Variants in DSC1 observed in about 807,000 individuals in gnomAD.
DSC1 encodes the protein desmocollin 1.
In DSC1, 79 loss-of-function variants were observed where a neutral mutation model predicts 98.8. That is an observed-to-expected ratio of 0.80 (90% CI 0.67 to 0.96). The LOEUF is 0.96. DSC1 is among the 50% of genes least tolerant of loss of function. The probability of loss-of-function intolerance (pLI) is 0.00; values close to 1 mark genes in which losing one functional copy is unlikely to be tolerated. For synonymous variants in DSC1, 405 were observed against 372.1 expected, an observed-to-expected ratio of 1.09 and a Z score of -1.02; for missense variants, 1,115 against 1,075.9, an observed-to-expected ratio of 1.04 and a Z score of -0.51.
chr18:31,140,586 A>G (rs942741034), intron 9 of DSC1, among the ~76,000 whole-genome samples: 4 of 152,208 alleles, frequency 2.6e-5, no homozygotes, highest in Non-Finnish European at 5.9e-5. Flanking sequence ...GAAATGCAAG[A>G]TAAGTGTATG....
In DSC1 at chr18:31,156,073, C is replaced by G. The variant is rs374138359; in HGVS notation, c.441G>C (p.Ser147=). The G allele has an allele frequency of 1.2e-6, 2 of 1,613,966 alleles. No individual in the cohort carries two copies. Among genetic ancestry groups the G allele is most frequent in the African/African-American group, 1.3e-5 (1 of 74,908 alleles). ...GAACGTGTTGTGGAAATGGACCCAACGAGTTCTCCATCAATGAAGCTGGAA... is the reference window on the plus strand; with the variant it reads ...GAACGTGTTGTGGAAATGGACCCAAGGAGTTCTCCATCAATGAAGCTGGAA... The part of the protein sequence containing the change: ...APIPASLMEN[S]LGPFPQHVQQ... The change falls in exon 4 of 16, where the codon TCG becomes TCC. Residue 147 remains serine (S), a synonymous_variant. Transcript: ENST00000257198.
At chr18:31,160,759 T>C (rs1355861196) in intron 1 of DSC1, among the ~76,000 whole-genome samples, 1 of 152,170 alleles carries the variant, frequency 6.6e-6, no homozygotes, top group Non-Finnish European at 1.5e-5. Flanking sequence ...TTAATAGTTG[T>C]CTAAGTATAC....
chr18:31,140,341 T>TTA, intron 9 of DSC1, 40 bp from the exon 10 acceptor site: 1 of 1,568,704 alleles, frequency 6.4e-7, no homozygotes, highest in South Asian at 1.2e-5. Flanking sequence ...ATATATAACA[T>TTA]TATATATAAG....
rs943176006 is a variant in DSC1 at position 31,129,527 on chromosome 18, A to C, written c.*987T>G. Reference sequence around the variant, plus strand: ...TAAGTTCTAATACAGATGGTAATTCAATTTCTGGCATATTCAAGGTGCTAG... The same window carrying C: ...TAAGTTCTAATACAGATGGTAATTCCATTTCTGGCATATTCAAGGTGCTAG... On this transcript the variant is annotated 3_prime_UTR_variant, in exon 16 of 16. Coordinates refer to ENST00000257198, the MANE Select transcript of DSC1 (RefSeq NM_024421.2). 2.6e-5 allele frequency: 4 copies of C among 152,090 alleles called. No homozygotes were observed. Among genetic ancestry groups the C allele is most frequent in the African/African-American group, 9.7e-5 (4 of 41,386 alleles). 9.4% of individuals were successfully genotyped at this position (152,090 alleles called of 1,614,324 possible).
rs1443685689 is a variant in DSC1 at position 31,139,740 on chromosome 18, G to A, written c.1663+8C>T. The A allele has an allele frequency of 1.3e-6, 2 of 1,571,580 alleles. No individual in the cohort carries two copies. The highest frequency in any genetic ancestry group is 1.7e-4 in the Middle Eastern group (1 of 5,808). On this transcript the variant is annotated splice_region_variant and intron_variant, in intron 11 of 15. Transcript: ENST00000257198. ...ATTTATATTTTATCTGTAGAAAATG[G>A]CACTCACCTGCATCCACTGCAACAA...
At chr18:31,147,130 G>A (rs1170578220) in intron 6 of DSC1, among the ~76,000 whole-genome samples, 2 of 151,020 alleles carry the variant, frequency 1.3e-5, no homozygotes, top group African/African-American at 2.4e-5. Context: ...AGACTTGGCT[G>A]CACATAGCAT....
At chr18:31,135,290 A>G (rs1988587352) in intron 11 of DSC1, among the ~76,000 whole-genome samples, 2 of 152,142 alleles carry the variant, frequency 1.3e-5, no homozygotes. Context: ...TTTGCCAGAT[A>G]GCACACTATT....
intron 15 of DSC1, among the ~76,000 whole-genome samples, chr18:31,131,288 T>C (rs1355889660): frequency 6.6e-6 from 1 of 152,232 alleles, no homozygotes; most frequent in Non-Finnish European, 1.5e-5. Flanking sequence ...TCCTGTATAA[T>C]AAATATTTCA....
chr18:31,158,614 A>T (rs1399095180), intron 2 of DSC1, among the ~76,000 whole-genome samples: 2 of 152,200 alleles, frequency 1.3e-5, no homozygotes, highest in African/African-American at 4.8e-5. Flanking sequence ...AGAACAACCA[A>T]CTTATACTTC....
chr18:31,149,798 C>A (rs1040110786), intron 5 of DSC1, among the ~76,000 whole-genome samples: 1 of 152,118 alleles, frequency 6.6e-6, no homozygotes, highest in Non-Finnish European at 1.5e-5. Context: ...AATGTACACT[C>A]CAAACTCTGG....
intron 11 of DSC1, among the ~76,000 whole-genome samples, chr18:31,136,440 C>A (rs73954545): frequency 3.6e-4 from 55 of 152,258 alleles, no homozygotes; most frequent in African/African-American, 1.3e-3. Context: ...TATTTAATCA[C>A]ATATTCAACC....
At chr18:31,160,346 T>G (rs1989186369) in intron 1 of DSC1, among the ~76,000 whole-genome samples, 1 of 152,208 alleles carries the variant, frequency 6.6e-6, no homozygotes, top group Non-Finnish European at 1.5e-5. Context: ...ATTATTTAAA[T>G]ATAAGATAGA....
chr18:31,139,933 G>C (rs952282919), intron 10 of DSC1, 43 bp from the exon 11 acceptor site: 2 of 1,564,826 alleles, frequency 1.3e-6, no homozygotes, highest in African/African-American at 1.4e-5. Context: ...ATCAAAGAAG[G>C]GACATGATCT....
At chr18:31,139,011 T>G in intron 11 of DSC1, among the ~76,000 whole-genome samples, 1 of 152,006 alleles carries the variant, frequency 6.6e-6, no homozygotes, top group East Asian at 1.9e-4. Flanking sequence ...GTTTTGTATA[T>G]TTTTATGATG....
Position 31,140,195 on chromosome 18 carries a change from G to A in DSC1, c.1367C>T (p.Thr456Ile), listed in dbSNP as rs1457742592. Residue 456 changes from threonine (T) to isoleucine (I), a missense_variant, in exon 10 of 16, where the codon ACA (threonine) becomes ATA (isoleucine). By Grantham distance (89) the Thr-to-Ile change is moderately conservative. Coordinates refer to ENST00000257198, the MANE Select transcript of DSC1 (RefSeq NM_024421.2). Reference sequence around the variant, plus strand: ...GTCTATAATTTTAACGGTGACAGTTGTAGTGCACATTGTAGGAGTTTGTGA... The same window carrying A: ...GTCTATAATTTTAACGGTGACAGTTATAGTGCACATTGTAGGAGTTTGTGA... ...ASSQTPTMCT[T>I]TVTVKIIDSD... 3 of 1,614,010 alleles carry A rather than the reference G, an allele frequency of 1.9e-6. No homozygotes were observed. Among genetic ancestry groups the A allele is most frequent in the East Asian group, 4.5e-5 (2 of 44,868 alleles).
intron 5 of DSC1, among the ~76,000 whole-genome samples, chr18:31,149,511 C>T (rs991722091): frequency 2.6e-5 from 4 of 152,178 alleles, no homozygotes; most frequent in African/African-American, 9.7e-5. Context: ...TGCATGTTCT[C>T]TTTTCTATTC....
At chr18:31,131,525 TG>T (rs1189857703) in intron 15 of DSC1, 68 bp downstream of exon 15, 313 of 1,580,868 alleles carry the variant, frequency 2.0e-4, no homozygotes, top group Non-Finnish European at 2.3e-4. Flanking sequence ...GTAAAACTTT[TG>T]GGAAATTCTG....
intron 4 of DSC1, among the ~76,000 whole-genome samples, chr18:31,155,179 T>C (rs1047960460): frequency 3.3e-5 from 5 of 152,224 alleles, no homozygotes; most frequent in African/African-American, 1.2e-4. Flanking sequence ...ATAAAACATG[T>C]AGAGTAATAC....
chr18:31,135,256 C>G (rs939160905), intron 11 of DSC1, among the ~76,000 whole-genome samples: 1 of 152,076 alleles, frequency 6.6e-6, no homozygotes, highest in African/African-American at 2.4e-5. Context: ...GGTTGCCACT[C>G]CTAGGAATAC....
Sources: gnomAD v4.1 joint callset for allele counts (sites outside exome capture counted in the v4.1 genomes callset) on GRCh38, gnomAD v4.1.1 for gene constraint, MANE v1.5 for transcripts, NCBI Gene and HGNC (gene_info 2026-07-23, HGNC 2026-07-21) for gene names.